The following SLC7A2 variants were observed in gnomAD, a reference collection of about 807,000 sequenced individuals.
The protein encoded by SLC7A2 is cationic amino acid transporter 2.
SLC7A2 carries 48 observed loss-of-function variants against 58.9 expected under a neutral mutation model. The ratio of observed to expected loss-of-function variants is 0.82; its 90% CI spans 0.65 to 1.04. The LOEUF is 1.04. SLC7A2 is among the 50% of genes least tolerant of loss of function. The pLI, the probability that SLC7A2 is intolerant of heterozygous loss-of-function variation, is 0.00. For missense variants in SLC7A2, 1,029 were observed against 818.8 expected (o/e 1.26, Z -3.13); for synonymous variants, 363 against 314.5 (o/e 1.15, Z -1.63).
In SLC7A2 at chr8:17,554,019, C is replaced by G. The variant is rs533706241; in HGVS notation, c.1056-541C>G. The stretch of plus-strand genomic sequence containing the variant: ...CTTTCCCTTCTTCTACCTTGATTAT[C>G]TTATGATGCTGGGGATTATTACTAA... On this transcript the variant is annotated intron_variant, in intron 7 of 12. Coordinates refer to ENST00000494857, the MANE Select transcript of SLC7A2 (RefSeq NM_001370338.1). Among the ~76,000 whole-genome samples, 21 of 152,200 alleles carry G rather than the reference C, an allele frequency of 1.4e-4. No homozygotes were observed. In the South Asian group the frequency reaches 4.2e-3, roughly 30 times the overall value.
intron 8 of SLC7A2, among the ~76,000 whole-genome samples, chr8:17,557,154 A>G (rs1802745724): frequency 6.6e-6 from 1 of 152,238 alleles, no homozygotes; most frequent in Admixed American, 6.5e-5. Flanking sequence ...CCCTTCTCAT[A>G]GGATCATTGA....
chr8:17,504,517 T>C (rs1800288884), intron 2 of SLC7A2, among the ~76,000 whole-genome samples: 2 of 152,242 alleles, frequency 1.3e-5, no homozygotes, highest in Non-Finnish European at 2.9e-5. Flanking sequence ...GAGGTCATTT[T>C]GAGTGACCAA....
intron 2 of SLC7A2, among the ~76,000 whole-genome samples, chr8:17,532,614 A>C (rs1231419381): frequency 6.6e-6 from 1 of 152,188 alleles, no homozygotes; most frequent in African/African-American, 2.4e-5. Context: ...CAGTTAATAT[A>C]AAAATTAAAA....
intron 2 of SLC7A2, among the ~76,000 whole-genome samples, chr8:17,537,562 G>C (rs532863673): frequency 3.3e-5 from 5 of 152,278 alleles, no homozygotes; most frequent in Middle Eastern, 3.4e-3. Flanking sequence ...CCTTGGCTTC[G>C]GGGTATGAAG....
chr8:17,561,471 G>A (rs145007530), intron 10 of SLC7A2, among the ~76,000 whole-genome samples: 2 of 152,258 alleles, frequency 1.3e-5, no homozygotes, highest in East Asian at 1.9e-4. Flanking sequence ...CTTGCACTGG[G>A]TTCCTCCCAT....
chr8:17,528,365 T>C (rs1269943916), intron 2 of SLC7A2, among the ~76,000 whole-genome samples: 1 of 152,164 alleles, frequency 6.6e-6, no homozygotes, highest in Non-Finnish European at 1.5e-5. Flanking sequence ...TGTTTTTCGG[T>C]GTGGCCATTA....
intron 2 of SLC7A2, among the ~76,000 whole-genome samples, chr8:17,514,137 A>C (rs1800709504): frequency 6.6e-6 from 1 of 152,170 alleles, no homozygotes; most frequent in Admixed American, 6.5e-5. Flanking sequence ...CCTTGACCCC[A>C]CAGAGTCTCT....
In SLC7A2 at chr8:17,560,395, C is replaced by G. The variant is rs752981306; in HGVS notation, c.1366C>G (p.Pro456Ala). Residue 456 changes from proline to alanine, a missense_variant, in exon 10 of 13, where the codon CCC (proline) becomes GCC (alanine). Transcript: ENST00000494857. Reference sequence around the variant, plus strand: ...TGAGAAAGATGGTCTGGGATCGTCTCCCAGGGTAACCTCGAAGAGTGAGTC... The same window carrying G: ...TGAGAAAGATGGTCTGGGATCGTCTGCCAGGGTAACCTCGAAGAGTGAGTC... ...SPEKDGLGSS[P>A]RVTSKSESQV... 4.0e-5 allele frequency: 65 copies of G among 1,614,006 alleles called. No homozygotes were observed. In the Admixed American group the frequency reaches 6.0e-4, roughly 15 times the overall value.
intron 2 of SLC7A2, among the ~76,000 whole-genome samples, chr8:17,536,786 G>A (rs530439271): frequency 6.6e-6 from 1 of 152,188 alleles, no homozygotes; most frequent in South Asian, 2.1e-4. Flanking sequence ...GACAGTGGGA[G>A]TAGAGTGGGG....
chr8:17,509,675 C>G (rs953530973), intron 2 of SLC7A2, among the ~76,000 whole-genome samples: 1 of 151,924 alleles, frequency 6.6e-6, no homozygotes, highest in Non-Finnish European at 1.5e-5. Context: ...TTTATTTTTT[C>G]GCCTCCAACA....
intron 2 of SLC7A2, among the ~76,000 whole-genome samples, chr8:17,523,098 T>C (rs1310468816): frequency 6.6e-6 from 1 of 152,032 alleles, no homozygotes; most frequent in Non-Finnish European, 1.5e-5. Flanking sequence ...GTGGCACATG[T>C]ATACCCATGT....
intron 10 of SLC7A2, among the ~76,000 whole-genome samples, chr8:17,561,188 G>A (rs1044237981): frequency 2.6e-5 from 4 of 152,146 alleles, no homozygotes; most frequent in Non-Finnish European, 4.4e-5. Context: ...TTGCACATTA[G>A]CAGTCTGTAT....
rs571143656 is a variant in SLC7A2 at position 17,553,536 on chromosome 8, C to A, written c.1056-1024C>A. Among the ~76,000 whole-genome samples, 35 of 152,220 alleles carry A rather than the reference C, an allele frequency of 2.3e-4. 1 individual carries two copies. Among genetic ancestry groups the A allele is most frequent in the Admixed American group, 1.9e-3 (29 of 15,280 alleles). On this transcript the variant is annotated intron_variant, in intron 7 of 12. Transcript: ENST00000494857. ...TTGTAGTCCCAGCACTTTGGGACAC[C>A]GAGGCGGGAGGATCACTTACGGCAA...
intron 2 of SLC7A2, among the ~76,000 whole-genome samples, chr8:17,504,542 C>T (rs538524609): frequency 6.6e-6 from 1 of 152,268 alleles, no homozygotes; most frequent in African/African-American, 2.4e-5. Context: ...ACAATTAATT[C>T]TATCCGGTTT....
At chr8:17,537,500 C>G (rs933588021) in intron 2 of SLC7A2, among the ~76,000 whole-genome samples, 1 of 152,146 alleles carries the variant, frequency 6.6e-6, no homozygotes, top group Non-Finnish European at 1.5e-5. Context: ...ATTGAGCATT[C>G]CCAGCCTTTG....
chr8:17,532,044 G>A (rs1035066545), intron 2 of SLC7A2, among the ~76,000 whole-genome samples: 2 of 151,404 alleles, frequency 1.3e-5, no homozygotes, highest in African/African-American at 2.4e-5. Flanking sequence ...CCTGGCCAAC[G>A]TGGTGAAACC....
intron 4 of SLC7A2, among the ~76,000 whole-genome samples, chr8:17,547,085 A>C (rs1318948311): frequency 1.3e-5 from 2 of 152,164 alleles, no homozygotes; most frequent in African/African-American, 4.8e-5. Flanking sequence ...TATATAAATA[A>C]ATTTTATAAA....
intron 2 of SLC7A2, among the ~76,000 whole-genome samples, chr8:17,533,012 C>T (rs921121520): frequency 3.3e-5 from 5 of 152,016 alleles, no homozygotes; most frequent in Non-Finnish European, 5.9e-5. Flanking sequence ...ATTTTAAGGA[C>T]CACTTTATTT....
At chr8:17,530,359 A>G (rs1801397758) in intron 2 of SLC7A2, among the ~76,000 whole-genome samples, 1 of 152,140 alleles carries the variant, frequency 6.6e-6, no homozygotes, top group Admixed American at 6.5e-5. Flanking sequence ...CATGCAGTTC[A>G]GTCAAAACCT....
Sources: gnomAD v4.1 joint callset for allele counts (sites outside exome capture counted in the v4.1 genomes callset) on GRCh38, gnomAD v4.1.1 for gene constraint, MANE v1.5 for transcripts, NCBI Gene and HGNC (gene_info 2026-07-23, HGNC 2026-07-21) for gene names.